MYH10: variants seen among roughly 807,000 people sequenced by gnomAD.
MYH10 encodes the protein myosin-10.
MYH10 carries 55 observed loss-of-function variants against 257.8 expected under a neutral mutation model. The observed-to-expected ratio is 0.21, with a 90% CI of 0.17 to 0.27. The LOEUF (loss-of-function observed/expected upper bound fraction) is 0.27. Among genes scored for constraint, MYH10 ranks in the 10% least tolerant of loss-of-function variants. The pLI is 1.00. For missense variants in MYH10, 1,631 were observed against 2,500.6 expected, an observed-to-expected ratio of 0.65 and a Z score of 7.42; for synonymous variants, 854 against 921.7, an observed-to-expected ratio of 0.93 and a Z score of 1.33.
At chr17:8,622,771 T>A in intron 2 of MYH10, 131 bp downstream of exon 2, 1 of 1,127,418 alleles carries the variant, frequency 8.9e-7, no homozygotes, top group Non-Finnish European at 1.2e-6. Context: ...AATCTTTCTA[T>A]CTTAAAGAGA....
chr17:8,547,408 G>A (rs1008794190), intron 11 of MYH10, among the ~76,000 whole-genome samples: 2 of 152,052 alleles, frequency 1.3e-5, no homozygotes, highest in East Asian at 3.9e-4. Flanking sequence ...ACAGATGAAT[G>A]GTCCTGGAAA....
At chr17:8,487,341 G>T in intron 36 of MYH10, 92 bp downstream of exon 36, 1 of 1,496,156 alleles carries the variant, frequency 6.7e-7, no homozygotes. Flanking sequence ...TGACAGCGGT[G>T]CTGTGCCCCC....
At chr17:8,574,157 C>T (rs1472165129) in intron 6 of MYH10, among the ~76,000 whole-genome samples, 1 of 152,104 alleles carries the variant, frequency 6.6e-6, no homozygotes, top group African/African-American at 2.4e-5. Context: ...AATGGATAAA[C>T]AGAACGTGAC....
Position 8,565,162 on chromosome 17 carries a change from G to A in MYH10, c.756+4558C>T, listed in dbSNP as rs1364760973. The stretch of plus-strand genomic sequence containing the variant: ...AAGGAAAAACTTTCATTTGGAATAT[G>A]TTAAACTTCAAGAATCTATTGACAT... On this transcript the variant is annotated intron_variant, in intron 7 of 42. Transcript: ENST00000360416. 2.6e-5 allele frequency among the ~76,000 whole-genome samples: 4 copies of A among 152,326 alleles called. No individual in the cohort carries two copies. In the East Asian group the frequency reaches 5.8e-4, roughly 22 times the overall value.
chr17:8,534,205 T>C (rs773799393), intron 16 of MYH10, among the ~76,000 whole-genome samples: 1 of 152,216 alleles, frequency 6.6e-6, no homozygotes, highest in Non-Finnish European at 1.5e-5. Context: ...ACTAGGTCAC[T>C]GGAAGTGACA....
At chr17:8,516,803 A>G (rs1488008702) in intron 21 of MYH10, among the ~76,000 whole-genome samples, 1 of 152,172 alleles carries the variant, frequency 6.6e-6, no homozygotes, top group Non-Finnish European at 1.5e-5. Flanking sequence ...CTCTGCTATC[A>G]ACAGGTTCTC....
At chr17:8,582,388 T>C (rs2083739198) in intron 4 of MYH10, among the ~76,000 whole-genome samples, 1 of 150,708 alleles carries the variant, frequency 6.6e-6, no homozygotes, top group Non-Finnish European at 1.5e-5. Flanking sequence ...ATCAACAAAA[T>C]GAGATGTTAA....
chr17:8,578,296 A>C (rs1439177804), intron 4 of MYH10, among the ~76,000 whole-genome samples: 1 of 143,416 alleles, frequency 7.0e-6, no homozygotes, highest in Non-Finnish European at 1.5e-5. Flanking sequence ...AGGCTGGAGC[A>C]CAGTGGCATG....
At chr17:8,488,610 G>A (rs1445048050) in intron 35 of MYH10, among the ~76,000 whole-genome samples, 2 of 152,242 alleles carry the variant, frequency 1.3e-5, no homozygotes, top group Non-Finnish European at 1.5e-5. Flanking sequence ...TCCGCTTCCT[G>A]CAAAGAGGAT....
intron 3 of MYH10, among the ~76,000 whole-genome samples, chr17:8,602,677 T>C (rs1226719218): frequency 1.3e-5 from 2 of 152,218 alleles, no homozygotes; most frequent in African/African-American, 4.8e-5. Flanking sequence ...CATCAACTAA[T>C]TCCTTTTAAC....
chr17:8,518,968 A>C lies in MYH10; in HGVS notation c.2274-18T>G, dbSNP rs775105141. 9.6e-6 allele frequency: 15 copies of C among 1,568,024 alleles called. No homozygotes were observed. The highest frequency in any genetic ancestry group is 1.4e-5 in the African/African-American group (1 of 73,148). On this transcript the variant is annotated intron_variant, in intron 19 of 42. Transcript: ENST00000360416. ...TCTCATATCTGTAAGAGAATATTCC[A>C]AGAAGTATTTTGTAGAAATTTGTGA...
chr17:8,532,358 T>C (rs796440600), intron 16 of MYH10, among the ~76,000 whole-genome samples: 4 of 152,358 alleles, frequency 2.6e-5, no homozygotes, highest in African/African-American at 9.6e-5. Flanking sequence ...TAAGTACAGA[T>C]GAATGGGGCT....
intron 35 of MYH10, among the ~76,000 whole-genome samples, chr17:8,489,094 C>G (rs993616634): frequency 2.6e-4 from 40 of 152,160 alleles, no homozygotes; most frequent in African/African-American, 9.1e-4. Context: ...CTCTCACTCT[C>G]CTGAAGCTCC....
At position 8,475,121 on chromosome 17, in the gene MYH10, C is replaced by G. The variant is rs1912306217; in HGVS notation, c.*683G>C. The G allele has an allele frequency of 2.0e-5, 3 of 152,548 alleles. No individual in the cohort carries two copies. The highest frequency in any genetic ancestry group is 7.2e-5 in the African/African-American group (3 of 41,460). The allele number at this position is 152,548 out of a possible 1,614,324, so 9.4% of individuals were successfully genotyped here. A position where few individuals can be genotyped will look rare whatever the true frequency, so the allele number is the denominator to read the frequency against. Reference sequence around the variant, plus strand: ...GGCCACTATCCCTTCTATGCACAGACCAGCCCTCGCCAAGGCCAGTTCACA... The same window carrying G: ...GGCCACTATCCCTTCTATGCACAGAGCAGCCCTCGCCAAGGCCAGTTCACA... On this transcript the variant is annotated 3_prime_UTR_variant, in exon 43 of 43. Transcript: ENST00000360416.
At chr17:8,476,586 G>C (rs2132100) in intron 42 of MYH10, among the ~76,000 whole-genome samples, 144,534 of 152,288 alleles carry the variant, frequency 0.95, 69,052 homozygotes, top group East Asian at 1. Flanking sequence ...GAGGCTGGGA[G>C]CTCACTTCAC....
At chr17:8,570,962 A>T (rs922757301) in intron 6 of MYH10, among the ~76,000 whole-genome samples, 18 of 152,258 alleles carry the variant, frequency 1.2e-4, no homozygotes, top group African/African-American at 4.3e-4. Flanking sequence ...CATGATCTGG[A>T]CTATCCGCAT....
chr17:8,500,159 G>T (rs1186073401), intron 29 of MYH10, among the ~76,000 whole-genome samples: 1 of 152,194 alleles, frequency 6.6e-6, no homozygotes, highest in Non-Finnish European at 1.5e-5. Flanking sequence ...TATTGTCATT[G>T]TCTAAATTAA....
intron 3 of MYH10, among the ~76,000 whole-genome samples, chr17:8,592,964 T>TATATATATATATATATATATATATATAA (rs1567953199): frequency 8.3e-6 from 1 of 119,916 alleles, no homozygotes; most frequent in African/African-American, 3.1e-5. Flanking sequence ...TATATATATA[T>TATATATATATATATATATATATATATAA]ATATATAAAA....
At position 8,490,473 on chromosome 17, in the gene MYH10, T is replaced by A; in HGVS notation, c.4751A>T (p.Asp1584Val). 1 of 1,614,230 alleles carries A rather than the reference T, an allele frequency of 6.2e-7. No individual in the cohort carries two copies. Among genetic ancestry groups the A allele is most frequent in the East Asian group, 2.2e-5 (1 of 44,886 alleles). The change falls in exon 35 of 43, where the codon GAC becomes GTC. Residue 1584 changes from aspartate to valine, a missense_variant. Transcript: ENST00000360416. The surrounding 1 kb of genome is among the most constrained non-coding windows in gnomAD (Gnocchi z 4.1). ...EMRTQLEELE[D>V]ELQATEDAKL... is the part of the protein sequence containing the mutation. The stretch of plus-strand genomic sequence containing the variant: ...GGCATCTTCCGTGGCCTGGAGTTCG[T>A]CTTCCAGCTCCTCCAGCTGGGTCCT...
Sources: allele counts gnomAD v4.1 joint callset (sites outside exome capture counted in the v4.1 genomes callset), GRCh38; gene constraint gnomAD v4.1.1; non-coding constraint Gnocchi (gnomAD v3.1); transcripts MANE v1.5; gene names NCBI Gene and HGNC (gene_info 2026-07-23, HGNC 2026-07-21).